The following NR3C1 variants were observed in gnomAD, a reference collection of about 807,000 sequenced individuals.
NR3C1 encodes nuclear receptor subfamily 3 group C member 1, also known as glucocorticoid receptor.
Under a neutral mutation model 74.0 loss-of-function variants are expected in NR3C1, and 14 were observed. The ratio of observed to expected loss-of-function variants is 0.19; its 90% CI spans 0.12 to 0.30. The LOEUF (loss-of-function observed/expected upper bound fraction) is 0.30. Ranked by LOEUF, NR3C1 falls within the 10% of genes least tolerant of loss-of-function variation. The pLI, the probability that NR3C1 is intolerant of heterozygous loss-of-function variation, is 1.00. For missense variants in NR3C1, 695 were observed against 909.8 expected (o/e 0.76, Z 3.04); for synonymous variants, 308 against 332.5 (o/e 0.93, Z 0.80).
chr5:143,351,297 C>A (rs1441291694), intron 2 of NR3C1, among the ~76,000 whole-genome samples: 1 of 152,134 alleles, frequency 6.6e-6, no homozygotes, highest in African/African-American at 2.4e-5. Flanking sequence ...CAGAGTAAAA[C>A]CCAAACCTCT....
chr5:143,420,759 C>A (rs1450724219), intron 1 of NR3C1, among the ~76,000 whole-genome samples: 1 of 152,120 alleles, frequency 6.6e-6, no homozygotes, highest in Non-Finnish European at 1.5e-5. Context: ...GGCTGAGAAA[C>A]CCTGCCCTAG....
chr5:143,314,093 G>C lies in NR3C1; in HGVS notation c.1260C>G (p.Leu420=). 1 of 1,613,868 alleles carries C rather than the reference G, an allele frequency of 6.2e-7. No individual in the cohort carries two copies. Residue 420 remains leucine (L), a synonymous_variant, in exon 3 of 9, where the codon CTC becomes CTG. Coordinates refer to ENST00000394464, the MANE Select transcript of NR3C1 (RefSeq NM_000176.3). ...STATTGPPPK[L]CLVCSDEASG... Reference sequence around the variant, plus strand: ...AAGCTTCATCAGAGCACACCAGGCAGAGTTTGGGAGGTGGTCCTGTTGTTG... The same window carrying C: ...AAGCTTCATCAGAGCACACCAGGCACAGTTTGGGAGGTGGTCCTGTTGTTG...
chr5:143,433,464 A>ATAATTTATTTATTTAAATTG (rs1173177375), intron 1 of NR3C1, among the ~76,000 whole-genome samples: 1 of 146,472 alleles, frequency 6.8e-6, no homozygotes, highest in African/African-American at 2.5e-5. Context: ...ATATATATAT[A>ATAATTTATTTATTTAAATTG]TATATATTTA....
chr5:143,310,000 A>T, intron 4 of NR3C1, 97 bp downstream of exon 4: 1 of 905,896 alleles, frequency 1.1e-6, no homozygotes, highest in Non-Finnish European at 1.8e-6. Flanking sequence ...TGAACTGACT[A>T]CATTAATTAC....
At chr5:143,345,256 C>A (rs942439035) in intron 2 of NR3C1, among the ~76,000 whole-genome samples, 1 of 152,136 alleles carries the variant, frequency 6.6e-6, no homozygotes, top group Non-Finnish European at 1.5e-5. Context: ...TGTCACCAGG[C>A]CGGAGTGCAG....
intron 1 of NR3C1, among the ~76,000 whole-genome samples, chr5:143,415,065 C>A (rs1313001874): frequency 1.3e-5 from 2 of 151,982 alleles, no homozygotes; most frequent in Non-Finnish European, 2.9e-5. Flanking sequence ...ATTACTTATG[C>A]CTTTAAGAAA....
chr5:143,291,091 A>C (rs544496442), intron 7 of NR3C1, among the ~76,000 whole-genome samples: 1 of 152,134 alleles, frequency 6.6e-6, no homozygotes, highest in South Asian at 2.1e-4. Context: ...CTTGAAACTT[A>C]CTTTAGTTCT....
At chr5:143,282,192 A>C in intron 8 of NR3C1, 151 bp from the exon 9 acceptor site, 1 of 766,582 alleles carries the variant, frequency 1.3e-6, no homozygotes, top group South Asian at 1.6e-5. Context: ...ACTTCCGTAC[A>C]AAACACATTT....
At chr5:143,288,581 CCCT>C (rs1204783564) in intron 7 of NR3C1, among the ~76,000 whole-genome samples, 2 of 151,910 alleles carry the variant, frequency 1.3e-5, no homozygotes, top group African/African-American at 4.8e-5. Context: ...GCCTTGACCT[CCCT>C]CCTCAGCCTC....
intron 2 of NR3C1, among the ~76,000 whole-genome samples, chr5:143,317,822 A>G (rs764177380): frequency 6.6e-6 from 1 of 152,156 alleles, no homozygotes; most frequent in African/African-American, 2.4e-5. Context: ...AAAGGCAAGC[A>G]CTGTGAGGAT....
intron 2 of NR3C1, among the ~76,000 whole-genome samples, chr5:143,367,460 T>C (rs932296991): frequency 5.3e-5 from 8 of 152,188 alleles, no homozygotes; most frequent in Non-Finnish European, 7.4e-5. Flanking sequence ...AGGGAAGAAG[T>C]AAAATTATCT....
chr5:143,319,247 C>T (rs529936874), intron 2 of NR3C1, among the ~76,000 whole-genome samples: 1 of 152,230 alleles, frequency 6.6e-6, no homozygotes, highest in Admixed American at 6.5e-5. Context: ...ATGTACCTGA[C>T]AAAAGGATAC....
At chr5:143,397,159 A>T (rs1486717007) in intron 2 of NR3C1, among the ~76,000 whole-genome samples, 1 of 151,894 alleles carries the variant, frequency 6.6e-6, no homozygotes, top group Non-Finnish European at 1.5e-5. Context: ...ACCCCCAGAG[A>T]ATAAAGTGAG....
At chr5:143,344,487 TC>T (rs1418332797) in intron 2 of NR3C1, among the ~76,000 whole-genome samples, 1 of 152,154 alleles carries the variant, frequency 6.6e-6, no homozygotes, top group African/African-American at 2.4e-5. Context: ...TTGCTAACTT[TC>T]CCAAAGAAAG....
intron 2 of NR3C1, among the ~76,000 whole-genome samples, chr5:143,339,640 T>C (rs923963034): frequency 6.6e-6 from 1 of 152,186 alleles, no homozygotes. Context: ...TGCTCTGTTG[T>C]TTGTTCTGAT....
At chr5:143,354,473 T>C (rs1480391373) in intron 2 of NR3C1, among the ~76,000 whole-genome samples, 1 of 152,172 alleles carries the variant, frequency 6.6e-6, no homozygotes, top group Non-Finnish European at 1.5e-5. Flanking sequence ...GTAGGGTTAT[T>C]AATTAGCTTA....
rs557817079 is a variant in NR3C1 at position 143,380,721 on chromosome 5, C to T, written c.1184+18935G>A. 1.6e-3 allele frequency among the ~76,000 whole-genome samples: 249 copies of T among 152,246 alleles called. 2 individuals carry two copies. Among genetic ancestry groups the T allele is most frequent in the Middle Eastern group, 0.01 (3 of 294 alleles). On this transcript the variant is annotated intron_variant, in intron 2 of 8. Transcript: ENST00000394464. ...TATGCATCACATATGCATTTTTCAG[C>T]TCCTCTTCAAGCTTATGGCCGAAAT...
intron 2 of NR3C1, among the ~76,000 whole-genome samples, chr5:143,398,993 C>T (rs888419914): frequency 2.0e-5 from 3 of 152,178 alleles, no homozygotes; most frequent in Non-Finnish European, 2.9e-5. Flanking sequence ...GACACCAATT[C>T]CTCTCTTAAA....
intron 6 of NR3C1, 51 bp from the exon 7 acceptor site, chr5:143,295,641 C>A: frequency 6.7e-7 from 1 of 1,487,202 alleles, no homozygotes; most frequent in Non-Finnish European, 9.4e-7. Context: ...CTACTTCCCC[C>A]CAAAAAGCAC....
Sources: gnomAD v4.1 joint callset for allele counts (sites outside exome capture counted in the v4.1 genomes callset) on GRCh38, gnomAD v4.1.1 for gene constraint, MANE v1.5 for transcripts, NCBI Gene and HGNC (gene_info 2026-07-23, HGNC 2026-07-21) for gene names.